Variants in NEDD9 observed in about 807,000 individuals in gnomAD.
NEDD9 encodes the protein enhancer of filamentation 1.
A neutral mutation model predicts 76.6 loss-of-function variants in NEDD9; 26 were observed. That is an observed-to-expected ratio of 0.34 (90% CI 0.25 to 0.47). The LOEUF (loss-of-function observed/expected upper bound fraction) is 0.47. NEDD9 is among the 20% of genes least tolerant of loss of function. NEDD9 has a pLI of 1.00. For missense variants in NEDD9, 937 were observed against 1,058.5 expected, an observed-to-expected ratio of 0.89 and a Z score of 1.59; for synonymous variants, 392 against 414.2, an observed-to-expected ratio of 0.95 and a Z score of 0.65.
intron 1 of NEDD9, among the ~76,000 whole-genome samples, chr6:11,353,810 G>T (rs1762516016): frequency 6.6e-6 from 1 of 152,222 alleles, no homozygotes; most frequent in South Asian, 2.1e-4. Flanking sequence ...AATAGGGGCA[G>T]GTGATTAAGA....
At position 11,370,125 on chromosome 6, in the gene NEDD9, T is replaced by C. The variant is rs1050620679; in HGVS notation, c.-214+12014A>G. Among the ~76,000 whole-genome samples the C allele has an allele frequency of 6.6e-6, 1 of 152,164 alleles. No individual in the cohort carries two copies. The highest frequency in any genetic ancestry group is 2.4e-5 in the African/African-American group (1 of 41,424). On this transcript the variant is annotated intron_variant, in intron 1 of 3. Coordinates refer to the NEDD9 transcript ENST00000397378. This position sits in a 1 kb window ranked among gnomAD's most constrained non-coding sequence, Gnocchi z 4.2. The stretch of plus-strand genomic sequence containing the variant: ...TAAAGAGTCTTTTCCCTAAGGAACA[T>C]TTCGTTTAATGATGAAATAGACACA...
At chr6:11,281,291 T>C (rs1760532566) in intron 3 of NEDD9, among the ~76,000 whole-genome samples, 1 of 152,206 alleles carries the variant, frequency 6.6e-6, no homozygotes, top group African/African-American at 2.4e-5. Flanking sequence ...TCCCCAGCCC[T>C]AAAGTGTGAT....
chr6:11,368,748 C>G (rs2113566174), intron 1 of NEDD9, among the ~76,000 whole-genome samples: 1 of 152,200 alleles, frequency 6.6e-6, no homozygotes, highest in South Asian at 2.1e-4. Flanking sequence ...ATCCTATAAG[C>G]CTTTGGGTTT....
intron 1 of NEDD9, among the ~76,000 whole-genome samples, chr6:11,381,599 G>A (rs1188717352): frequency 6.6e-6 from 1 of 152,218 alleles, no homozygotes; most frequent in Non-Finnish European, 1.5e-5. Flanking sequence ...GGAGAACACA[G>A]TGTGCTGTCA....
chr6:11,293,470 C>A (rs939888275), intron 3 of NEDD9, among the ~76,000 whole-genome samples: 2 of 152,066 alleles, frequency 1.3e-5, no homozygotes, highest in South Asian at 2.1e-4. Flanking sequence ...TTCTATCCCC[C>A]CCTCTCAGCT....
intron 3 of NEDD9, among the ~76,000 whole-genome samples, chr6:11,278,867 G>A (rs1581995792): frequency 6.6e-6 from 1 of 152,002 alleles, no homozygotes; most frequent in Non-Finnish European, 1.5e-5. Context: ...TGGACAGGTC[G>A]GGAGATGTAA....
rs191550910 is a variant in NEDD9 at position 11,377,192 on chromosome 6, T to C, written c.-214+4947A>G. 5.9e-5 allele frequency among the ~76,000 whole-genome samples: 9 copies of C among 152,230 alleles called. No homozygotes were observed. In the East Asian group the frequency reaches 1.7e-3, roughly 29 times the overall value. ...GGAAAATGCCAGGGGAAATGTGGGG[T>C]TGGAGCTCCTACACAGAGTCCCCAC... On this transcript the variant is annotated intron_variant, in intron 1 of 3. Coordinates refer to the NEDD9 transcript ENST00000397378.
rs1759929849 is a variant in NEDD9, at chr6:11,252,317, G to T, written c.13-38590C>A. On this transcript the variant is annotated intron_variant, in intron 3 of 3. Transcript: ENST00000397378. The surrounding 1 kb of genome is among the most constrained non-coding windows in gnomAD (Gnocchi z 4.3). ...AACATAAAAATTGAGAAGAGTTATT[G>T]GAGGGTCTAAGAGGATGCCAGTCAA... 6.6e-6 allele frequency among the ~76,000 whole-genome samples: 1 copy of T among 152,160 alleles called. No homozygotes were observed. Among genetic ancestry groups the T allele is most frequent in the African/African-American group, 2.4e-5 (1 of 41,424 alleles).
At chr6:11,345,467 AGT>A (rs111373981) in intron 1 of NEDD9, among the ~76,000 whole-genome samples, 12 of 151,122 alleles carry the variant, frequency 7.9e-5, no homozygotes, top group Non-Finnish European at 1.5e-4. Flanking sequence ...AGAGAGAGAG[AGT>A]GTGTGTGTGT....
intron 1 of NEDD9, among the ~76,000 whole-genome samples, chr6:11,372,192 T>C (rs941966008): frequency 2.0e-5 from 3 of 149,806 alleles, no homozygotes; most frequent in African/African-American, 7.4e-5. Flanking sequence ...CTATTGTCTG[T>C]CTTTATGAGT....
chr6:11,365,843 T>C (rs7776103), intron 1 of NEDD9, among the ~76,000 whole-genome samples: 2,264 of 150,926 alleles, frequency 0.015, 51 homozygotes, highest in African/African-American at 0.053. Context: ...ATACAAAAAT[T>C]AGGTGGATGT....
At chr6:11,231,541 C>A (rs1185139020) in intron 1 of NEDD9, among the ~76,000 whole-genome samples, 1 of 152,180 alleles carries the variant, frequency 6.6e-6, no homozygotes, top group Non-Finnish European at 1.5e-5. Context: ...TTGCCCAAAT[C>A]CATCTTAATA....
upstream of NEDD9, among the ~76,000 whole-genome samples, chr6:11,234,264 C>T (rs552662683): frequency 2.6e-5 from 4 of 152,246 alleles, no homozygotes; most frequent in South Asian, 4.1e-4. Flanking sequence ...GCAGACTGAC[C>T]GGAGAGTCGT....
chr6:11,207,470 T>C (rs981166752), intron 2 of NEDD9: 1 of 152,254 alleles, frequency 6.6e-6, no homozygotes, highest in Admixed American at 6.5e-5. Context: ...GGAATGGGCC[T>C]GGAAGACCTG....
At chr6:11,308,918 T>C (rs1761280608) in intron 2 of NEDD9, among the ~76,000 whole-genome samples, 1 of 152,230 alleles carries the variant, frequency 6.6e-6, no homozygotes, top group African/African-American at 2.4e-5. Context: ...AATAATTCCA[T>C]ATGATATATA....
chr6:11,261,895 G>A (rs1350761251), intron 3 of NEDD9, among the ~76,000 whole-genome samples: 5 of 152,170 alleles, frequency 3.3e-5, no homozygotes, highest in South Asian at 2.1e-4. Flanking sequence ...GCTATGATGT[G>A]TTAGATTCTC....
intron 2 of NEDD9, among the ~76,000 whole-genome samples, chr6:11,315,718 G>T (rs929834433): frequency 6.6e-6 from 1 of 152,162 alleles, no homozygotes; most frequent in African/African-American, 2.4e-5. Context: ...GTGTTTTAAA[G>T]ATCTACAAAA....
chr6:11,238,570 T>C (rs1759653634), intron 3 of NEDD9, among the ~76,000 whole-genome samples: 1 of 152,240 alleles, frequency 6.6e-6, no homozygotes, highest in African/African-American at 2.4e-5. Context: ...CCTGTGCGTA[T>C]GTAGTTCTTC....
At chr6:11,359,362 A>G (rs1336052562) in intron 1 of NEDD9, among the ~76,000 whole-genome samples, 1 of 152,246 alleles carries the variant, frequency 6.6e-6, no homozygotes, top group Non-Finnish European at 1.5e-5. Context: ...CATTTGCCAT[A>G]TTTGGATTTC....
Sources: gnomAD v4.1 joint callset for allele counts (sites outside exome capture counted in the v4.1 genomes callset) on GRCh38, gnomAD v4.1.1 for gene constraint, Gnocchi (gnomAD v3.1) non-coding constraint, MANE v1.5 for transcripts, NCBI Gene and HGNC (gene_info 2026-07-23, HGNC 2026-07-21) for gene names.